The following ADAMTSL2 variants were observed in gnomAD, a reference collection of about 807,000 sequenced individuals.
ADAMTSL2 encodes ADAMTS-like protein 2.
ADAMTSL2 carries 55 observed loss-of-function variants against 117.0 expected under a neutral mutation model. That is an observed-to-expected ratio of 0.47 (90% CI 0.38 to 0.59). ADAMTSL2 has a LOEUF of 0.59. ADAMTSL2 is among the 20% of genes least tolerant of loss of function. ADAMTSL2 has a pLI of 0.00. For synonymous variants in ADAMTSL2, 572 were observed against 566.4 expected (o/e 1.01, Z -0.14); for missense variants, 1,182 against 1,354.5 (o/e 0.87, Z 2.00).
upstream of ADAMTSL2, chr9:133,532,550 G>A (rs1829965202): frequency 6.6e-6 from 1 of 152,220 alleles, no homozygotes; most frequent in African/African-American, 2.4e-5. Flanking sequence ...CCATACGGCT[G>A]CAACACCCCT....
At chr9:133,559,489 G>A (rs1830679811) in intron 11 of ADAMTSL2, among the ~76,000 whole-genome samples, 2 of 150,500 alleles carry the variant, frequency 1.3e-5, no homozygotes, top group East Asian at 2.0e-4. Context: ...GACTACAGGC[G>A]CCCGCCACCA....
chr9:133,572,947 G>C (rs1164330402), intron 17 of ADAMTSL2, among the ~76,000 whole-genome samples: 1 of 152,238 alleles, frequency 6.6e-6, no homozygotes, highest in Non-Finnish European at 1.5e-5. Context: ...GCCAAAGGCT[G>C]ATTGTCCTCA....
intron 12 of ADAMTSL2, among the ~76,000 whole-genome samples, chr9:133,566,562 A>G (rs906321879): frequency 6.6e-6 from 1 of 151,822 alleles, no homozygotes; most frequent in African/African-American, 2.4e-5. Context: ...GTCAGATGTC[A>G]CTCCCGCCTG....
intron 4 of ADAMTSL2, 120 bp from the exon 5 acceptor site, chr9:133,539,651 G>GTACGGCTGTCCCGGCTGT: frequency 4.7e-5 from 4 of 84,940 alleles, no homozygotes; most frequent in Non-Finnish European, 8.9e-5. Flanking sequence ...CGTGGCCCCC[G>GTACGGCTGTCCCGGCTGT]CACGGCTGTC....
rs6606359 is a variant in ADAMTSL2, at chr9:133,557,631, G to T, written c.1649+1701G>T. ...TACTCAAGGCTGCCAGTCTGTCTGT[G>T]TCTTCAGCGTGGGCCCTCTTCACCT... On this transcript the variant is annotated intron_variant, in intron 11 of 18. Coordinates refer to ENST00000651351, the MANE Select transcript of ADAMTSL2 (RefSeq NM_014694.4). The surrounding 1 kb of genome is among the most constrained non-coding windows in gnomAD (Gnocchi z 5.2). Among the ~76,000 whole-genome samples, 12,925 of 152,232 alleles carry T rather than the reference G, an allele frequency of 0.085. 651 individuals are homozygous for T. Among genetic ancestry groups the T allele is most frequent in the South Asian group, 0.15 (729 of 4,826 alleles).
chr9:133,568,229 C>T, intron 13 of ADAMTSL2, 44 bp from the exon 14 acceptor site: 2 of 1,535,802 alleles, frequency 1.3e-6, no homozygotes, highest in Non-Finnish European at 1.8e-6. Context: ...GGGGTCCCGG[C>T]TGCCATGGGG....
chr9:133,568,592 T>TG lies in ADAMTSL2; in HGVS notation c.2089-10dup. 6.6e-7 allele frequency: 1 copy of TG among 1,524,888 alleles called. No individual in the cohort carries two copies. The highest frequency in any genetic ancestry group is 1.2e-5 in the South Asian group (1 of 85,248). The allele number at this position is 1,524,888 out of a possible 1,614,324, so 94.5% of individuals were successfully genotyped here. On this transcript the variant is annotated splice_polypyrimidine_tract_variant and intron_variant, in intron 14 of 18. Coordinates refer to ENST00000651351, the MANE Select transcript of ADAMTSL2 (RefSeq NM_014694.4). ...TCACACCCCCCCTGCCCCCTCCCCC[T>TG]GCCGCCCCAGTGCACTGCCAAGTGT... is the stretch of plus-strand genomic sequence containing the variant.
At chr9:133,544,339 A>T in intron 7 of ADAMTSL2, 131 bp from the exon 8 acceptor site, 1 of 813,862 alleles carries the variant, frequency 1.2e-6, no homozygotes, top group Non-Finnish European at 2.2e-6. Flanking sequence ...TGAGCTACAC[A>T]AGCGGGTGTG....
intron 8 of ADAMTSL2, among the ~76,000 whole-genome samples, chr9:133,545,556 G>T (rs991410677): frequency 2.0e-5 from 3 of 152,216 alleles, no homozygotes; most frequent in African/African-American, 7.2e-5. Context: ...GCAGATGCTG[G>T]CTCCACCACC....
rs1831035721 is a variant in ADAMTSL2 at position 133,568,747 on chromosome 9, G to A, written c.2233G>A (p.Asp745Asn). Reference sequence around the variant, plus strand: ...CTGTGACCGGCAGTGGACCGTCTCCGACTGGGGACCGGTGAGGCCTGCACT... The same window carrying A: ...CTGTGACCGGCAGTGGACCGTCTCCAACTGGGGACCGGTGAGGCCTGCACT... ...PPCDRQWTVSDWGPCSGSCGQ... is the reference protein window; with the variant it reads ...PPCDRQWTVSNWGPCSGSCGQ... Residue 745 changes from aspartate (D) to asparagine (N), a missense_variant, in exon 15 of 19, where the codon GAC becomes AAC. Coordinates refer to ENST00000651351, the MANE Select transcript of ADAMTSL2 (RefSeq NM_014694.4). 19 of 1,613,058 alleles carry A rather than the reference G, an allele frequency of 1.2e-5. No homozygotes were observed. The highest frequency in any genetic ancestry group is 7.7e-5 in the South Asian group (7 of 91,070).
intron 12 of ADAMTSL2, among the ~76,000 whole-genome samples, chr9:133,563,872 A>G (rs1588302155): frequency 1.1e-4 from 7 of 64,216 alleles, no homozygotes; most frequent in African/African-American, 2.0e-4. Context: ...AGGGAGAGAG[A>G]GAGAGAGAGA....
intron 18 of ADAMTSL2, among the ~76,000 whole-genome samples, chr9:133,574,528 C>T (rs932753550): frequency 1.3e-5 from 2 of 152,150 alleles, no homozygotes; most frequent in Admixed American, 1.3e-4. Flanking sequence ...CATCACTCCT[C>T]TTGGGACACA....
At chr9:133,572,982 T>C (rs1438378038) in intron 17 of ADAMTSL2, among the ~76,000 whole-genome samples, 1 of 152,182 alleles carries the variant, frequency 6.6e-6, no homozygotes, top group African/African-American at 2.4e-5. Context: ...AGCCAGCCTC[T>C]CCTCGCCTGC....
Position 133,555,904 on chromosome 9 carries a change from G to T in ADAMTSL2, c.1623G>T (p.Ser541=). 6.2e-7 allele frequency: 1 copy of T among 1,612,592 alleles called. No individual in the cohort carries two copies. Among genetic ancestry groups the T allele is most frequent in the Non-Finnish European group, 8.5e-7 (1 of 1,179,912 alleles). Residue 541 remains serine, a synonymous_variant, in exon 11 of 19, where the codon TCG becomes TCT. Coordinates refer to ENST00000651351, the MANE Select transcript of ADAMTSL2 (RefSeq NM_014694.4). ...ACGTTAGCACCAGCCTGCTCACCTCGGCCGGGAACAGGACTCACAAGGCCA... is the reference window on the plus strand; with the variant it reads ...ACGTTAGCACCAGCCTGCTCACCTCTGCCGGGAACAGGACTCACAAGGCCA... ...FPNVSTSLLT[S]AGNRTHKART... is the part of the protein sequence containing the mutation.
chr9:133,547,476 C>T lies in ADAMTSL2; in HGVS notation c.939+263C>T, dbSNP rs35183588. 0.22 allele frequency among the ~76,000 whole-genome samples: 32,823 copies of T among 152,246 alleles called. 3,801 individuals are homozygous for T. The highest frequency in any genetic ancestry group is 0.31 in the South Asian group (1,509 of 4,824). On this transcript the variant is annotated intron_variant, in intron 9 of 18. Transcript: ENST00000651351. ...CCAGTCTCCCATTCACTCATCAGTT[C>T]ATTAATTCATTTACCTGTTCACTTC...
chr9:133,563,111 A>G (rs1830785967), intron 12 of ADAMTSL2, among the ~76,000 whole-genome samples: 1 of 152,242 alleles, frequency 6.6e-6, no homozygotes, highest in Non-Finnish European at 1.5e-5. Flanking sequence ...CCACAGGTGA[A>G]CTGGGACGCC....
At chr9:133,547,802 A>G (rs1342592659) in intron 9 of ADAMTSL2, among the ~76,000 whole-genome samples, 1 of 152,140 alleles carries the variant, frequency 6.6e-6, no homozygotes, top group East Asian at 1.9e-4. Context: ...CTCCCCTGAC[A>G]TGGCCTCCCC....
chr9:133,555,452 T>C, intron 10 of ADAMTSL2, 106 bp from the exon 11 acceptor site: 1 of 1,458,476 alleles, frequency 6.9e-7, no homozygotes. Context: ...AGCTTCTTGG[T>C]TCAGCTTGGT....
chr9:133,546,495 T>A (rs2131116919), intron 8 of ADAMTSL2, among the ~76,000 whole-genome samples: 1 of 152,288 alleles, frequency 6.6e-6, no homozygotes, highest in Non-Finnish European at 1.5e-5. Context: ...AGCATGGCCC[T>A]GCCTGCAAGG....
Sources: allele counts gnomAD v4.1 joint callset (sites outside exome capture counted in the v4.1 genomes callset), GRCh38; gene constraint gnomAD v4.1.1; non-coding constraint Gnocchi (gnomAD v3.1); transcripts MANE v1.5; gene names NCBI Gene and HGNC (gene_info 2026-07-23, HGNC 2026-07-21).